Variants in ATP6V0D1 observed in about 807,000 individuals in gnomAD.
The protein encoded by ATP6V0D1 is ATPase H+ transporting V0 subunit d1, also known as V-type proton ATPase subunit d 1.
In ATP6V0D1, 13 loss-of-function variants were observed where a neutral mutation model predicts 39.0. The ratio of observed to expected loss-of-function variants is 0.33; its 90% CI spans 0.22 to 0.53. ATP6V0D1 has a LOEUF of 0.53. Among genes scored for constraint, ATP6V0D1 ranks in the 20% least tolerant of loss-of-function variants. The probability of loss-of-function intolerance (pLI) is 0.94; values close to 1 mark genes in which losing one functional copy is unlikely to be tolerated. For missense variants in ATP6V0D1, 272 were observed against 470.9 expected, an observed-to-expected ratio of 0.58 and a Z score of 3.91; for synonymous variants, 191 against 191.2, an observed-to-expected ratio of 1.00 and a Z score of 0.01.
At chr16:67,457,584 G>A in intron 1 of ATP6V0D1, 1 of 1,289,570 alleles carries the variant, frequency 7.8e-7, no homozygotes, top group Non-Finnish European at 1.0e-6. Context: ...TGGACCATCA[G>A]CACTGTCACT....
rs2041473310 is a variant in ATP6V0D1, at chr16:67,481,143, C to T, written c.-57G>A. On this transcript the variant is annotated 5_prime_UTR_variant, in exon 1 of 8. Transcript: ENST00000290949. The stretch of plus-strand genomic sequence containing the variant: ...CAGGACCGGCCGGCACGAATCGCGA[C>T]TCCCCAGGTCAGCTGACGCTGCGTC... 5 of 1,605,928 alleles carry T rather than the reference C, an allele frequency of 3.1e-6. No homozygotes were observed. The highest frequency in any genetic ancestry group is 1.3e-5 in the African/African-American group (1 of 74,810).
chr16:67,473,441 C>T (rs1408735103), intron 1 of ATP6V0D1, among the ~76,000 whole-genome samples: 1 of 152,018 alleles, frequency 6.6e-6, no homozygotes, highest in Non-Finnish European at 1.5e-5. Flanking sequence ...CTCCACCTTC[C>T]GGGTTCAAGC....
At chr16:67,452,924 T>A (rs1012105057) in intron 2 of ATP6V0D1, among the ~76,000 whole-genome samples, 9 of 152,264 alleles carry the variant, frequency 5.9e-5, no homozygotes, top group South Asian at 2.1e-4. Flanking sequence ...CCAAGAGTCA[T>A]AAGAATGGGA....
At chr16:67,465,657 G>C (rs551205065) in intron 1 of ATP6V0D1, among the ~76,000 whole-genome samples, 32 of 152,356 alleles carry the variant, frequency 2.1e-4, no homozygotes, top group Admixed American at 1.6e-3. Flanking sequence ...TGGTGGGCAA[G>C]GCTGGAGCAG....
chr16:67,457,741 C>T, intron 1 of ATP6V0D1: 1 of 849,494 alleles, frequency 1.2e-6, no homozygotes, highest in Non-Finnish European at 1.7e-6. Flanking sequence ...CTGGGCTCAG[C>T]AAGGGCCTCC....
intron 1 of ATP6V0D1, among the ~76,000 whole-genome samples, chr16:67,465,969 G>C (rs2041325746): frequency 6.6e-6 from 1 of 152,130 alleles, no homozygotes; most frequent in Non-Finnish European, 1.5e-5. Context: ...TTGAGAAGTG[G>C]AGTGATCCTG....
At chr16:67,473,669 G>C (rs573178598) in intron 1 of ATP6V0D1, among the ~76,000 whole-genome samples, 4 of 152,224 alleles carry the variant, frequency 2.6e-5, no homozygotes, top group African/African-American at 9.6e-5. Context: ...GACTATAGGC[G>C]CCCACCACCA....
intron 1 of ATP6V0D1, among the ~76,000 whole-genome samples, chr16:67,462,135 C>T (rs2041293647): frequency 6.6e-6 from 1 of 152,186 alleles, no homozygotes; most frequent in African/African-American, 2.4e-5. Context: ...TCCGCCTGGA[C>T]AGCCCGTCAC....
intron 1 of ATP6V0D1, among the ~76,000 whole-genome samples, chr16:67,469,308 AAAATAAAT>A (rs542165715): frequency 3.9e-5 from 6 of 152,224 alleles, no homozygotes; most frequent in East Asian, 1.9e-4. Context: ...ACTCCTTCTC[AAAATAAAT>A]AAATAAATAA....
intron 1 of ATP6V0D1, among the ~76,000 whole-genome samples, chr16:67,475,442 G>A (rs2041406987): frequency 6.6e-6 from 1 of 152,218 alleles, no homozygotes; most frequent in Non-Finnish European, 1.5e-5. Flanking sequence ...GGATAAAAGT[G>A]TTCTGGACAA....
chr16:67,473,007 A>G (rs1347320928), intron 1 of ATP6V0D1, among the ~76,000 whole-genome samples: 3 of 152,162 alleles, frequency 2.0e-5, no homozygotes, highest in African/African-American at 4.8e-5. Context: ...TTCCTGAGCA[A>G]TATGTCCTTC....
chr16:67,452,071 G>A (rs2041186684), intron 2 of ATP6V0D1, among the ~76,000 whole-genome samples: 1 of 152,272 alleles, frequency 6.6e-6, no homozygotes, highest in Admixed American at 6.5e-5. Context: ...AGCAATAAAT[G>A]TACTGCTTCC....
At chr16:67,467,366 G>A (rs2041338861) in intron 1 of ATP6V0D1, among the ~76,000 whole-genome samples, 2 of 152,120 alleles carry the variant, frequency 1.3e-5, no homozygotes, top group South Asian at 2.1e-4. Context: ...TTAGGCGGGC[G>A]TGGTGGCGGG....
At chr16:67,475,448 G>C (rs988816834) in intron 1 of ATP6V0D1, among the ~76,000 whole-genome samples, 4 of 152,176 alleles carry the variant, frequency 2.6e-5, no homozygotes, top group Non-Finnish European at 5.9e-5. Flanking sequence ...AAGTGTTCTG[G>C]ACAACAGCCA....
In ATP6V0D1 at chr16:67,444,443, G is replaced by A. The variant is rs560291115; in HGVS notation, c.481+85C>T. ...AGGTCTCACTTTCTGGCTCAGGGTC[G>A]CCCCCCAGCGGGTCCACAAACCCCA... On this transcript the variant is annotated intron_variant, in intron 3 of 7. Coordinates refer to ENST00000290949, the MANE Select transcript of ATP6V0D1 (RefSeq NM_004691.5). The surrounding 1 kb of genome is among the most constrained non-coding windows in gnomAD (Gnocchi z 4.8). 7.0e-6 allele frequency: 10 copies of A among 1,433,144 alleles called. No homozygotes were observed. The highest frequency in any genetic ancestry group is 2.8e-5 in the South Asian group (2 of 71,868). The allele number at this position is 1,433,144 out of a possible 1,614,324, so 88.8% of individuals were successfully genotyped here.
At chr16:67,466,218 C>T (rs1318407200) in intron 1 of ATP6V0D1, among the ~76,000 whole-genome samples, 5 of 152,100 alleles carry the variant, frequency 3.3e-5, no homozygotes, top group South Asian at 2.1e-4. Context: ...CGGTGGCTCA[C>T]GCCTGTAATC....
intron 1 of ATP6V0D1, among the ~76,000 whole-genome samples, chr16:67,471,577 C>G (rs1171105053): frequency 6.6e-6 from 1 of 152,066 alleles, no homozygotes; most frequent in Non-Finnish European, 1.5e-5. Flanking sequence ...TACAGTCACC[C>G]TATGGTATAG....
At chr16:67,475,471 T>C (rs982632150) in intron 1 of ATP6V0D1, among the ~76,000 whole-genome samples, 3 of 152,210 alleles carry the variant, frequency 2.0e-5, no homozygotes, top group Non-Finnish European at 4.4e-5. Context: ...ACATCAAACA[T>C]GGGCCCTTCA....
At position 67,447,707 on chromosome 16, in the gene ATP6V0D1, G is replaced by C. The variant is rs2041133651; in HGVS notation, c.303-3001C>G. Among the ~76,000 whole-genome samples the C allele has an allele frequency of 6.6e-6, 1 of 152,208 alleles. No homozygotes were observed. Among genetic ancestry groups the C allele is most frequent in the Admixed American group, 6.5e-5 (1 of 15,286 alleles). On this transcript the variant is annotated intron_variant, in intron 2 of 7. Coordinates refer to ENST00000290949, the MANE Select transcript of ATP6V0D1 (RefSeq NM_004691.5). This position sits in a 1 kb window ranked among gnomAD's most constrained non-coding sequence, Gnocchi z 4.1. ...CTTGGGCCCACAGACATCTTGGGTT[G>C]GAGTTTAGGAAGCCACTTCCTCCAA...
Sources: gnomAD v4.1 joint callset for allele counts (sites outside exome capture counted in the v4.1 genomes callset) on GRCh38, gnomAD v4.1.1 for gene constraint, Gnocchi (gnomAD v3.1) non-coding constraint, MANE v1.5 for transcripts, NCBI Gene and HGNC (gene_info 2026-07-23, HGNC 2026-07-21) for gene names.